Variants in BOLA3 observed in about 807,000 individuals in gnomAD.
BOLA3 encodes the protein bolA-like protein 3.
BOLA3 carries 8 observed loss-of-function variants against 14.5 expected under a neutral mutation model. That is an observed-to-expected ratio of 0.55 (90% CI 0.32 to 0.99). The LOEUF (loss-of-function observed/expected upper bound fraction) is 0.99. Among genes scored for constraint, BOLA3 ranks in the 50% least tolerant of loss-of-function variants. The pLI is 0.04. For synonymous variants in BOLA3, 42 were observed against 45.7 expected, an observed-to-expected ratio of 0.92 and a Z score of 0.33; for missense variants, 115 against 138.2, an observed-to-expected ratio of 0.83 and a Z score of 0.84.
intron 3 of BOLA3, among the ~76,000 whole-genome samples, chr2:74,140,094 G>A (rs1376070668): frequency 3.3e-5 from 5 of 152,184 alleles, no homozygotes; most frequent in African/African-American, 2.4e-5. Context: ...GACCAGCCTG[G>A]CCAACATGGT....
intron 1 of BOLA3, chr2:74,147,500 T>C: frequency 2.5e-6 from 1 of 397,864 alleles, no homozygotes; most frequent in South Asian, 2.6e-5. Flanking sequence ...GACTCCTGTC[T>C]TCTGCTCGGT....
chr2:74,139,160 G>A (rs2103643618), intron 3 of BOLA3, among the ~76,000 whole-genome samples: 1 of 152,290 alleles, frequency 6.6e-6, no homozygotes, highest in East Asian at 1.9e-4. Flanking sequence ...GCCCCCTCCA[G>A]GGAATCCCGC....
Position 74,135,430 on chromosome 2 carries a change from C to T in BOLA3, c.*163G>A, listed in dbSNP as rs187615861. 2 of 1,186,246 alleles carry T rather than the reference C, an allele frequency of 1.7e-6. No homozygotes were observed. The highest frequency in any genetic ancestry group is 2.6e-5 in the East Asian group (1 of 39,090). The allele number at this position is 1,186,246 out of a possible 1,614,324, so 73.5% of individuals were successfully genotyped here. On this transcript the variant is annotated 3_prime_UTR_variant, in exon 4 of 4. Transcript: ENST00000327428. ...CTTCAAAAGCTTCAGTTGTTTGTTT[C>T]CTTTAATTAACATCTAAATAGATTA...
At chr2:74,137,401 G>A (rs1346388890) in intron 3 of BOLA3, among the ~76,000 whole-genome samples, 1 of 152,126 alleles carries the variant, frequency 6.6e-6, no homozygotes, top group African/African-American at 2.4e-5. Flanking sequence ...TGAAAGCTCA[G>A]AGAGAGAGAG....
At chr2:74,135,737 G>T in intron 3 of BOLA3, 79 bp from the exon 4 acceptor site, 1 of 1,068,564 alleles carries the variant, frequency 9.4e-7, no homozygotes, top group South Asian at 1.3e-5. Flanking sequence ...TTTTTATACA[G>T]CTCTGCATCT....
chr2:74,138,496 C>T (rs1001093054), intron 3 of BOLA3, among the ~76,000 whole-genome samples: 1 of 152,210 alleles, frequency 6.6e-6, no homozygotes, highest in Non-Finnish European at 1.5e-5. Flanking sequence ...GAGCTGGAGC[C>T]AGAGGTGGAG....
chr2:74,147,854 G>C lies in BOLA3; in HGVS notation c.21C>G (p.Ala7=). 1 of 1,524,808 alleles carries C rather than the reference G, an allele frequency of 6.6e-7. No individual in the cohort carries two copies. The highest frequency in any genetic ancestry group is 8.7e-7 in the Non-Finnish European group (1 of 1,143,100). 94.5% of individuals were successfully genotyped at this position (1,524,808 alleles called of 1,614,324 possible). A position where few individuals can be genotyped will look rare whatever the true frequency, so the allele number is the denominator to read the frequency against. The change falls in exon 1 of 4, where the codon GCC becomes GCG. Residue 7 remains alanine (A), a synonymous_variant. Coordinates refer to ENST00000327428, the MANE Select transcript of BOLA3 (RefSeq NM_212552.3). MAAWSP[A]AAAPLLRGIR... Reference sequence around the variant, plus strand: ...TCCCGCGGAGGAGAGGCGCTGCCGCGGCCGGGCTCCATGCAGCCATGCCCG... The same window carrying C: ...TCCCGCGGAGGAGAGGCGCTGCCGCCGCCGGGCTCCATGCAGCCATGCCCG...
In BOLA3 at chr2:74,147,811, C is replaced by T; in HGVS notation, c.54+10G>A. The stretch of plus-strand genomic sequence containing the variant: ...CCGGGGAGAGCAGCCCCGACCCTGC[C>T]CACGCTCACCCCGCGGATCCCGCGG... On this transcript the variant is annotated intron_variant, in intron 1 of 3. Transcript: ENST00000327428. 1 of 1,529,170 alleles carries T rather than the reference C, an allele frequency of 6.5e-7. No homozygotes were observed. Among genetic ancestry groups the T allele is most frequent in the African/African-American group, 1.4e-5 (1 of 72,462 alleles). 94.7% of individuals were successfully genotyped at this position (1,529,170 alleles called of 1,614,324 possible).
intron 3 of BOLA3, 35 bp from the exon 4 acceptor site, chr2:74,135,693 A>G (rs923996415): frequency 2.8e-6 from 4 of 1,433,650 alleles, no homozygotes; most frequent in African/African-American, 1.4e-5. Flanking sequence ...GTTTTTGTGT[A>G]TTTGACGTTG....
intron 3 of BOLA3, among the ~76,000 whole-genome samples, chr2:74,138,960 G>C (rs1226077833): frequency 6.6e-6 from 1 of 152,222 alleles, no homozygotes; most frequent in Non-Finnish European, 1.5e-5. Context: ...AGGATGGCAG[G>C]AGGACAGGTA....
chr2:74,141,209 G>C (rs1244858375), intron 3 of BOLA3, among the ~76,000 whole-genome samples: 1 of 152,180 alleles, frequency 6.6e-6, no homozygotes, highest in African/African-American at 2.4e-5. Context: ...CATGCCTTAG[G>C]GCTGTAGGGG....
In BOLA3 at chr2:74,135,743, C is replaced by T. The variant is rs1188952169; in HGVS notation, c.259-85G>A. On this transcript the variant is annotated intron_variant, in intron 3 of 3. Transcript: ENST00000327428. ...CTGAGAGTATTTTTATACAGCTCTGCATCTGAAGGAGACTTTGTATGTGCT... is the reference window on the plus strand; with the variant it reads ...CTGAGAGTATTTTTATACAGCTCTGTATCTGAAGGAGACTTTGTATGTGCT... 6 of 1,020,908 alleles carry T rather than the reference C, an allele frequency of 5.9e-6. No individual in the cohort carries two copies. In the African/African-American group the frequency reaches 6.3e-5, roughly 11 times the overall value. The allele number at this position is 1,020,908 out of a possible 1,614,324, so 63.2% of individuals were successfully genotyped here.
intron 3 of BOLA3, among the ~76,000 whole-genome samples, chr2:74,139,114 G>A (rs546724968): frequency 9.3e-4 from 142 of 152,244 alleles, no homozygotes; most frequent in Middle Eastern, 6.8e-3. Context: ...GGGTCCCAGA[G>A]GAACGAGTCC....
chr2:74,143,539 ACT>A (rs1692486427), intron 2 of BOLA3, among the ~76,000 whole-genome samples: 1 of 151,936 alleles, frequency 6.6e-6, no homozygotes, highest in Non-Finnish European at 1.5e-5. Flanking sequence ...CCCCTTCTGC[ACT>A]CTGTCCAGGA....
At position 74,145,258 on chromosome 2, in the gene BOLA3, G is replaced by C. The variant is rs1376081762; in HGVS notation, c.100C>G (p.Leu34Val). 1 of 1,612,488 alleles carries C rather than the reference G, an allele frequency of 6.2e-7. No homozygotes were observed. The highest frequency in any genetic ancestry group is 1.7e-4 in the Middle Eastern group (1 of 6,060). ...RMFATQTEGE[L>V]RVTQILKEKF... The stretch of plus-strand genomic sequence containing the variant: ...TCTTTGAGAATTTGGGTCACTCTGA[G>C]CTCCCCCTCAGTCTGAGTGGCAAAC... The change falls in exon 2 of 4, where the codon CTC becomes GTC. Residue 34 changes from leucine to valine, a missense_variant. By Grantham distance (32) the Leu-to-Val change is conservative. Coordinates refer to ENST00000327428, the MANE Select transcript of BOLA3 (RefSeq NM_212552.3).
intron 3 of BOLA3, among the ~76,000 whole-genome samples, chr2:74,136,389 G>A (rs753623910): frequency 3.3e-4 from 50 of 152,124 alleles, no homozygotes; most frequent in African/African-American, 8.9e-4. Flanking sequence ...TCCAACCCAC[G>A]GCCCATGACA....
In BOLA3 at chr2:74,145,230, T is replaced by A; in HGVS notation, c.128A>T (p.Lys43Met). 1 of 1,612,102 alleles carries A rather than the reference T, an allele frequency of 6.2e-7. No homozygotes were observed. The highest frequency in any genetic ancestry group is 8.5e-7 in the Non-Finnish European group (1 of 1,178,080). The change falls in exon 2 of 4, where the codon AAG becomes ATG. Residue 43 changes from lysine to methionine, a missense_variant. Transcript: ENST00000327428. ...TTTTATAGCTGTAGCTCGTGGAAAC[T>A]TTTCTTTGAGAATTTGGGTCACTCT... ...ELRVTQILKEKFPRATAIKVT... is the reference protein window; with the variant it reads ...ELRVTQILKEMFPRATAIKVT...
At chr2:74,142,444 C>T (rs1295446487) in intron 2 of BOLA3, 84 bp from the exon 3 acceptor site, 1 of 1,036,048 alleles carries the variant, frequency 9.7e-7, no homozygotes, top group Non-Finnish European at 1.5e-6. Context: ...ACTGTACAAT[C>T]CAAAGGTCTG....
At position 74,135,565 on chromosome 2, in the gene BOLA3, C is replaced by G. The variant is rs753960028; in HGVS notation, c.*28G>C. 1.9e-6 allele frequency: 3 copies of G among 1,613,266 alleles called. No individual in the cohort carries two copies. The East Asian group carries it at 6.7e-5, about 36-fold the overall frequency. On this transcript the variant is annotated 3_prime_UTR_variant, in exon 4 of 4. Transcript: ENST00000327428. ...AGTGAAGTTCATCCAAGGTCTTAAG[C>G]AGCAGCATCTATGCAGCCAGGGCGT...
Sources: allele counts gnomAD v4.1 joint callset (sites outside exome capture counted in the v4.1 genomes callset), GRCh38; gene constraint gnomAD v4.1.1; transcripts MANE v1.5; gene names NCBI Gene and HGNC (gene_info 2026-07-23, HGNC 2026-07-21).